The following INPP5F variants were observed in gnomAD, a reference collection of about 807,000 sequenced individuals.
INPP5F encodes the protein phosphatidylinositide 4-phosphatase SAC2.
In INPP5F, 97 loss-of-function variants were observed where a neutral mutation model predicts 137.2. The ratio of observed to expected loss-of-function variants is 0.71; its 90% CI spans 0.60 to 0.84. The LOEUF is 0.84. INPP5F is among the 40% of genes least tolerant of loss of function. The pLI is 0.00. For synonymous variants in INPP5F, 504 were observed against 476.9 expected, an observed-to-expected ratio of 1.06 and a Z score of -0.74; for missense variants, 1,271 against 1,371.9, an observed-to-expected ratio of 0.93 and a Z score of 1.16.
chr10:119,785,552 G>GAGAGAGAGAA (rs1849870638), intron 3 of INPP5F, among the ~76,000 whole-genome samples: 2 of 147,930 alleles, frequency 1.4e-5, no homozygotes, highest in African/African-American at 2.6e-5. Flanking sequence ...GAGAGAGAGA[G>GAGAGAGAGAA]AGAGAGAGAG....
Position 119,791,985 on chromosome 10 carries a change from C to T in INPP5F, c.561C>T (p.Ser187=), listed in dbSNP as rs1001529989. The T allele has an allele frequency of 1.8e-5, 29 of 1,614,090 alleles. No homozygotes were observed. Among genetic ancestry groups the T allele is most frequent in the Admixed American group, 3.3e-5 (2 of 60,002 alleles). ...YYSLTYDLTN[S]VQRQSTGERD... is the part of the protein sequence containing the mutation. The stretch of plus-strand genomic sequence containing the variant: ...GCTTGACCTATGACCTGACCAATTC[C>T]GTGCAGAGGCAGAGCACTGGGGAGA... The change falls in exon 5 of 20, where the codon TCC becomes TCT. Residue 187 remains serine (S), a synonymous_variant. Coordinates refer to ENST00000650623, the MANE Select transcript of INPP5F (RefSeq NM_014937.4).
At chr10:119,783,073 T>C (rs1310019893) in intron 3 of INPP5F, among the ~76,000 whole-genome samples, 1 of 152,230 alleles carries the variant, frequency 6.6e-6, no homozygotes, top group Admixed American at 6.5e-5. Flanking sequence ...ATTCTCCTTT[T>C]ATTGGTACTT....
At chr10:119,727,180 C>T (rs965840897) in intron 1 of INPP5F, among the ~76,000 whole-genome samples, 8 of 152,234 alleles carry the variant, frequency 5.3e-5, no homozygotes, top group African/African-American at 1.9e-4. Context: ...TTTTGGCTTG[C>T]TAATCCTTTC....
chr10:119,749,073 C>T (rs964330660), intron 1 of INPP5F, among the ~76,000 whole-genome samples: 3 of 152,208 alleles, frequency 2.0e-5, no homozygotes, highest in Admixed American at 6.5e-5. Context: ...CCGACTCGGT[C>T]GTGACGGTCC....
intron 2 of INPP5F, among the ~76,000 whole-genome samples, chr10:119,775,665 GGA>G (rs1491455591): frequency 8.8e-5 from 11 of 124,480 alleles, no homozygotes; most frequent in African/African-American, 2.7e-4. Flanking sequence ...CAGAGTCATT[GGA>G]AAAAAAAAAA....
At chr10:119,791,229 A>T (rs1349725228) in intron 3 of INPP5F, among the ~76,000 whole-genome samples, 1 of 152,190 alleles carries the variant, frequency 6.6e-6, no homozygotes, top group Non-Finnish European at 1.5e-5. Context: ...GGAACATTTC[A>T]CTCTTCAGTT....
chr10:119,801,028 T>A (rs1251191289), intron 9 of INPP5F, among the ~76,000 whole-genome samples: 1 of 149,022 alleles, frequency 6.7e-6, no homozygotes, highest in South Asian at 2.1e-4. Flanking sequence ...ATAGAAAAAA[T>A]TTTTAAATCT....
chr10:119,745,699 C>CTT lies in INPP5F; in HGVS notation c.98-5355_98-5354dup, dbSNP rs35485618. On this transcript the variant is annotated intron_variant, in intron 1 of 19. Coordinates refer to ENST00000650623, the MANE Select transcript of INPP5F (RefSeq NM_014937.4). ...GTCTCCAGGAAGCTCAGGCTCATTC[C>CTT]TTTTTTTTTTTTTTTTTTTTTTTGA... Among the ~76,000 whole-genome samples, 572 of 90,504 alleles carry CTT rather than the reference C, an allele frequency of 6.3e-3. 2 individuals are homozygous for CTT. Among genetic ancestry groups the CTT allele is most frequent in the Middle Eastern group, 9.3e-3 (1 of 108 alleles). 59.4% of individuals were successfully genotyped at this position (90,504 alleles called of 152,430 possible).
At chr10:119,783,166 A>G (rs988198752) in intron 3 of INPP5F, among the ~76,000 whole-genome samples, 1 of 152,218 alleles carries the variant, frequency 6.6e-6, no homozygotes, top group Non-Finnish European at 1.5e-5. Flanking sequence ...AGATGTTTGC[A>G]GTTTTTGTCT....
At chr10:119,749,060 C>A (rs1303129544) in intron 1 of INPP5F, among the ~76,000 whole-genome samples, 1 of 152,240 alleles carries the variant, frequency 6.6e-6, no homozygotes, top group Non-Finnish European at 1.5e-5. Flanking sequence ...AGCCTGTGCA[C>A]ACCCGACTCG....
intron 15 of INPP5F, among the ~76,000 whole-genome samples, chr10:119,814,952 G>A (rs966634528): frequency 2.0e-5 from 3 of 151,952 alleles, no homozygotes; most frequent in African/African-American, 2.4e-5. Context: ...TGCAAGTTCC[G>A]CCTCCTGGGT....
intron 2 of INPP5F, among the ~76,000 whole-genome samples, chr10:119,755,670 T>C (rs538766543): frequency 1.3e-4 from 20 of 152,330 alleles, no homozygotes; most frequent in African/African-American, 3.6e-4. Context: ...TTCAGTGTGA[T>C]AGGCCAGTCC....
At chr10:119,817,914 C>T (rs1002375626) in intron 15 of INPP5F, among the ~76,000 whole-genome samples, 9 of 152,196 alleles carry the variant, frequency 5.9e-5, no homozygotes, top group African/African-American at 2.2e-4. Context: ...GAGACCAGTA[C>T]CTCACTCACC....
intron 2 of INPP5F, among the ~76,000 whole-genome samples, chr10:119,762,102 T>C (rs1368816758): frequency 6.6e-6 from 1 of 152,168 alleles, no homozygotes; most frequent in Non-Finnish European, 1.5e-5. Context: ...TCAATCTGCA[T>C]TTGATTGGAA....
At chr10:119,741,221 T>C (rs1346824288) in intron 1 of INPP5F, among the ~76,000 whole-genome samples, 2 of 152,232 alleles carry the variant, frequency 1.3e-5, no homozygotes, top group Admixed American at 1.3e-4. Flanking sequence ...GCACATTCTT[T>C]CCTGTCACCT....
At position 119,827,177 on chromosome 10, in the gene INPP5F, C is replaced by T; in HGVS notation, c.2796C>T (p.Gly932=). The change falls in exon 20 of 20, where the codon GGC becomes GGT. Residue 932 remains glycine (G), a synonymous_variant. Coordinates refer to ENST00000650623, the MANE Select transcript of INPP5F (RefSeq NM_014937.4). ...TVAHGSGLGK[G]QESPLKKSPS... ...CTCATGGGAGTGGGCTTGGAAAAGG[C>T]CAGGAGTCTCCTTTGAAGAAAAGTC... The T allele has an allele frequency of 6.2e-7, 1 of 1,614,028 alleles. No homozygotes were observed. Among genetic ancestry groups the T allele is most frequent in the Non-Finnish European group, 8.5e-7 (1 of 1,180,012 alleles).
At chr10:119,791,038 C>G (rs971468840) in intron 3 of INPP5F, among the ~76,000 whole-genome samples, 49 of 152,272 alleles carry the variant, frequency 3.2e-4, no homozygotes, top group African/African-American at 1.1e-3. Context: ...GTTGAAATGT[C>G]CAGCTTTTAG....
chr10:119,763,713 A>T (rs1849073129), intron 2 of INPP5F, among the ~76,000 whole-genome samples: 1 of 152,204 alleles, frequency 6.6e-6, no homozygotes, highest in South Asian at 2.1e-4. Context: ...GTCTGGCTAG[A>T]ACTTTTCAAA....
rs777953632 is a variant in INPP5F at position 119,791,974 on chromosome 10, C to G, written c.550C>G (p.Leu184Val). ...CTTTTATTATAGCTTGACCTATGAC[C>G]TGACCAATTCCGTGCAGAGGCAGAG... Reference protein sequence around the residue: ...ESFYYSLTYDLTNSVQRQSTG... With the variant: ...ESFYYSLTYDVTNSVQRQSTG... The change falls in exon 5 of 20, where the codon CTG becomes GTG. Residue 184 changes from leucine to valine, a missense_variant. Around this residue, in one of 6 missense-constraint regions of INPP5F, gnomAD observed 593 missense variants for 712.4 expected, o/e 0.83. Transcript: ENST00000650623. 1 of 1,614,210 alleles carries G rather than the reference C, an allele frequency of 6.2e-7. No individual in the cohort carries two copies. Among genetic ancestry groups the G allele is most frequent in the Non-Finnish European group, 8.5e-7 (1 of 1,180,046 alleles).
Sources: allele counts gnomAD v4.1 joint callset (sites outside exome capture counted in the v4.1 genomes callset), GRCh38; gene constraint gnomAD v4.1.1; regional missense constraint gnomAD v4.1.1; transcripts MANE v1.5; gene names NCBI Gene and HGNC (gene_info 2026-07-23, HGNC 2026-07-21).